Variants in ANO1 observed in about 807,000 individuals in gnomAD.
ANO1 encodes anoctamin-1.
A neutral mutation model predicts 124.0 loss-of-function variants in ANO1; 59 were observed. That is an observed-to-expected ratio of 0.48 (90% CI 0.39 to 0.59). ANO1 has a LOEUF of 0.59. Among genes scored for constraint, ANO1 ranks in the 20% least tolerant of loss-of-function variants. The pLI, the probability that ANO1 is intolerant of heterozygous loss-of-function variation, is 0.00. For synonymous variants in ANO1, 529 were observed against 532.0 expected, an observed-to-expected ratio of 0.99 and a Z score of 0.08; for missense variants, 1,059 against 1,328.0, an observed-to-expected ratio of 0.80 and a Z score of 3.15.
chr11:70,150,717 G>GT (rs1220224496), intron 12 of ANO1, among the ~76,000 whole-genome samples: 1 of 151,648 alleles, frequency 6.6e-6, no homozygotes, highest in African/African-American at 2.4e-5. Flanking sequence ...TAATTTTTTT[G>GT]TAAGAGTCAG....
At chr11:70,020,368 C>T (rs1489596576) in intron 1 of ANO1, among the ~76,000 whole-genome samples, 1 of 152,166 alleles carries the variant, frequency 6.6e-6, no homozygotes, top group Non-Finnish European at 1.5e-5. Flanking sequence ...TCAGGACAGC[C>T]GCACTCCACT....
chr11:70,171,177 G>A (rs758996049), intron 22 of ANO1, 138 bp downstream of exon 22: 4 of 1,248,102 alleles, frequency 3.2e-6, no homozygotes, highest in Admixed American at 5.0e-5. Flanking sequence ...TTTGCCGGGT[G>A]GAGCCTGGGG....
chr11:70,167,514 C>A, intron 21 of ANO1, 127 bp downstream of exon 21: 2 of 1,325,200 alleles, frequency 1.5e-6, no homozygotes, highest in Non-Finnish European at 2.0e-6. Context: ...CCTCCATAAG[C>A]ATCAGGCAGG....
the ANO1 span, among the ~76,000 whole-genome samples, chr11:69,966,444 G>A: frequency 1.1e-4 from 17 of 152,190 alleles, no homozygotes; most frequent in Admixed American, 6.5e-5. Flanking sequence ...AAATTTGGGA[G>A]CAGCCTGGGT....
rs1347140228 is a variant in ANO1 at position 70,022,221 on chromosome 11, G to A, written c.58+36055G>A. Among the ~76,000 whole-genome samples, 5 of 152,244 alleles carry A rather than the reference G, an allele frequency of 3.3e-5. No individual in the cohort carries two copies. The East Asian group carries it at 9.7e-4, about 29-fold the overall frequency. ...ATTTTAACCAAAAGACCCCATGAAG[G>A]TAGGGTCTTGGTATGGCCTCTTCAC... On this transcript the variant is annotated intron_variant, in intron 1 of 27. Coordinates refer to the ANO1 transcript ENST00000531349.
At chr11:70,101,597 A>AAC (rs1379706242) in intron 2 of ANO1, among the ~76,000 whole-genome samples, 6 of 150,096 alleles carry the variant, frequency 4.0e-5, no homozygotes, top group Non-Finnish European at 8.9e-5. Flanking sequence ...AAAAAAAAAA[A>AAC]AAAAAAAAAA....
At chr11:70,156,115 T>G in intron 15 of ANO1, 127 bp downstream of exon 15, 7 of 1,006,770 alleles carry the variant, frequency 7.0e-6, no homozygotes, top group Admixed American at 4.0e-5. Context: ...TTTCTCTGTC[T>G]TCCTTCGGCA....
intron 11 of ANO1, among the ~76,000 whole-genome samples, chr11:70,138,545 G>A (rs1253782248): frequency 1.3e-5 from 2 of 151,646 alleles, no homozygotes; most frequent in African/African-American, 4.8e-5. Flanking sequence ...CACAGCTGAA[G>A]GTAGGTGAGC....
intron 14 of ANO1, among the ~76,000 whole-genome samples, chr11:70,153,463 C>A (rs2047681446): frequency 6.6e-6 from 1 of 152,206 alleles, no homozygotes; most frequent in African/African-American, 2.4e-5. Context: ...GCATTTCAAC[C>A]ACAGGAACCA....
intron 1 of ANO1, among the ~76,000 whole-genome samples, chr11:70,034,411 GAC>G (rs1273975252): frequency 2.0e-5 from 3 of 152,166 alleles, no homozygotes; most frequent in African/African-American, 7.2e-5. Context: ...TTGGGTGGAA[GAC>G]ACAAATATGG....
intron 6 of ANO1, among the ~76,000 whole-genome samples, chr11:70,110,296 C>G (rs1029683892): frequency 6.6e-6 from 1 of 151,254 alleles, no homozygotes; most frequent in African/African-American, 2.4e-5. Flanking sequence ...AAGCAATTCT[C>G]CTGCCTCAGC....
chr11:70,059,019 TAA>T (rs782382103), intron 1 of ANO1, among the ~76,000 whole-genome samples: 4 of 139,830 alleles, frequency 2.9e-5, no homozygotes, highest in African/African-American at 2.6e-5. Context: ...CCGTCTCTAC[TAA>T]AAAAAAAAAA....
the ANO1 span, among the ~76,000 whole-genome samples, chr11:69,976,879 G>A: frequency 6.6e-6 from 1 of 152,228 alleles, no homozygotes; most frequent in Admixed American, 6.5e-5. Flanking sequence ...CTTGAAATGG[G>A]TCAGGCCTGG....
chr11:70,062,652 G>T (rs1857615641), intron 1 of ANO1, among the ~76,000 whole-genome samples: 1 of 152,158 alleles, frequency 6.6e-6, no homozygotes, highest in Admixed American at 6.5e-5. Flanking sequence ...TCAGCAAGGG[G>T]GTTCTGGCAT....
chr11:70,147,832 C>T (rs11235421), intron 11 of ANO1, among the ~76,000 whole-genome samples: 35,006 of 152,052 alleles, frequency 0.23, 4,763 homozygotes, highest in East Asian at 0.43. Context: ...CATCCTGAAA[C>T]GGATGCCAGC....
rs541126714 is a variant in ANO1, at chr11:70,111,781, C to G, written c.855+19C>G. The G allele has an allele frequency of 6.2e-7, 1 of 1,613,344 alleles. No homozygotes were observed. ...GCACGATGTAAGTAACCTTGACACA[C>G]GATTTATCTCTGCGTCATTTGACTC... On this transcript the variant is annotated intron_variant, in intron 7 of 25. Coordinates refer to ENST00000355303, the MANE Select transcript of ANO1 (RefSeq NM_018043.7).
the ANO1 span, among the ~76,000 whole-genome samples, chr11:69,973,374 C>T: frequency 3.3e-5 from 5 of 152,222 alleles, no homozygotes; most frequent in Non-Finnish European, 5.9e-5. Flanking sequence ...CTTCGACCTG[C>T]GTCCGAGGGA....
chr11:70,112,279 A>G (rs1447404868), intron 7 of ANO1, among the ~76,000 whole-genome samples: 1 of 152,232 alleles, frequency 6.6e-6, no homozygotes, highest in Non-Finnish European at 1.5e-5. Flanking sequence ...CAGGGACTCA[A>G]GTTCAGCAGG....
At chr11:70,081,148 G>A (rs1053688008) in intron 1 of ANO1, among the ~76,000 whole-genome samples, 4 of 152,232 alleles carry the variant, frequency 2.6e-5, no homozygotes, top group Non-Finnish European at 4.4e-5. Flanking sequence ...CCAAGTTCAA[G>A]GGTGGAAATG....
Sources: allele counts gnomAD v4.1 joint callset (sites outside exome capture counted in the v4.1 genomes callset), GRCh38; gene constraint gnomAD v4.1.1; transcripts MANE v1.5; gene names NCBI Gene and HGNC (gene_info 2026-07-23, HGNC 2026-07-21).